The following KCNJ6 variants were observed in gnomAD, a reference collection of about 807,000 sequenced individuals.
The protein encoded by KCNJ6 is G protein-activated inward rectifier potassium channel 2.
Under a neutral mutation model 34.2 loss-of-function variants are expected in KCNJ6, and 9 were observed. That is an observed-to-expected ratio of 0.26 (90% CI 0.16 to 0.46). The LOEUF (loss-of-function observed/expected upper bound fraction) is 0.46, where lower values mean the gene tolerates loss of function less well. Ranked by LOEUF, KCNJ6 falls within the 20% of genes least tolerant of loss-of-function variation. The pLI is 1.00. For missense variants in KCNJ6, 236 were observed against 531.3 expected (o/e 0.44, Z 5.46); for synonymous variants, 196 against 207.1 (o/e 0.95, Z 0.46).
chr21:37,666,317 G>A (rs1438483354), intron 3 of KCNJ6, among the ~76,000 whole-genome samples: 1 of 152,120 alleles, frequency 6.6e-6, no homozygotes, highest in Non-Finnish European at 1.5e-5. Flanking sequence ...CTGACCTGAG[G>A]CTGAGCTGAC....
At chr21:37,860,429 C>T (rs1474415059) in intron 1 of KCNJ6, among the ~76,000 whole-genome samples, 3 of 152,212 alleles carry the variant, frequency 2.0e-5, no homozygotes, top group African/African-American at 7.2e-5. Context: ...CCTGCTTTTC[C>T]TCTTGGGCCT....
intron 2 of KCNJ6, among the ~76,000 whole-genome samples, chr21:37,736,829 G>A (rs1331238585): frequency 6.6e-6 from 1 of 152,188 alleles, no homozygotes; most frequent in Non-Finnish European, 1.5e-5. Flanking sequence ...CCTGGTGACT[G>A]TGATGAATGC....
chr21:37,772,313 G>A (rs779523632), intron 2 of KCNJ6, among the ~76,000 whole-genome samples: 3 of 152,032 alleles, frequency 2.0e-5, no homozygotes, highest in Non-Finnish European at 4.4e-5. Flanking sequence ...AGTTGGTGAA[G>A]TGAAAATCTT....
intron 1 of KCNJ6, among the ~76,000 whole-genome samples, chr21:37,855,123 G>A (rs751816758): frequency 2.0e-5 from 3 of 152,128 alleles, no homozygotes; most frequent in East Asian, 1.9e-4. Flanking sequence ...AAATCATACC[G>A]AGTATGCTCT....
At chr21:37,810,528 C>T (rs1203804234) in intron 2 of KCNJ6, among the ~76,000 whole-genome samples, 3 of 152,246 alleles carry the variant, frequency 2.0e-5, no homozygotes, top group South Asian at 2.1e-4. Context: ...TTTTTGCCAC[C>T]GTTACCCACC....
intron 1 of KCNJ6, among the ~76,000 whole-genome samples, chr21:37,881,899 A>G (rs757419833): frequency 1.9e-4 from 29 of 152,168 alleles, no homozygotes; most frequent in African/African-American, 5.6e-4. Flanking sequence ...CTTCAGGTGG[A>G]CAGTAAATAG....
At chr21:37,751,983 T>C (rs2054998072) in intron 2 of KCNJ6, among the ~76,000 whole-genome samples, 1 of 151,980 alleles carries the variant, frequency 6.6e-6, no homozygotes, top group South Asian at 2.1e-4. Context: ...GTTGGAAGAG[T>C]GCATTAGGAA....
At chr21:37,750,350 A>G (rs2054989108) in intron 2 of KCNJ6, among the ~76,000 whole-genome samples, 1 of 152,198 alleles carries the variant, frequency 6.6e-6, no homozygotes, top group Non-Finnish European at 1.5e-5. Context: ...AACTAGAAAT[A>G]CCATTTGACC....
chr21:37,869,222 T>C (rs554488895), intron 1 of KCNJ6, among the ~76,000 whole-genome samples: 2 of 152,226 alleles, frequency 1.3e-5, no homozygotes, highest in South Asian at 2.1e-4. Flanking sequence ...AAGGGGCTGC[T>C]CTCCCATTTC....
At chr21:37,789,349 A>G (rs533850794) in intron 2 of KCNJ6, among the ~76,000 whole-genome samples, 2 of 152,264 alleles carry the variant, frequency 1.3e-5, no homozygotes, top group African/African-American at 4.8e-5. Context: ...TCTTAATCCA[A>G]CGAAATTGGT....
intron 3 of KCNJ6, among the ~76,000 whole-genome samples, chr21:37,636,112 G>A (rs1260781332): frequency 6.6e-6 from 1 of 152,208 alleles, no homozygotes; most frequent in Admixed American, 6.5e-5. Context: ...CCCATCTCTA[G>A]AAGAGAGAGC....
At chr21:37,876,167 G>A (rs560758665) in intron 1 of KCNJ6, among the ~76,000 whole-genome samples, 25 of 152,318 alleles carry the variant, frequency 1.6e-4, no homozygotes, top group African/African-American at 6.0e-4. Context: ...CTGCCTTGGT[G>A]GCAGGCCTGT....
chr21:37,651,987 T>G (rs1180560773), intron 3 of KCNJ6, among the ~76,000 whole-genome samples: 1 of 152,108 alleles, frequency 6.6e-6, no homozygotes, highest in Non-Finnish European at 1.5e-5. Context: ...TAGAGGTAAA[T>G]TTGGGAGTCA....
Position 37,618,760 on chromosome 21 carries a change from C to T in KCNJ6, c.*6399G>A, listed in dbSNP as rs529484461. ...TTTCATCAGTGATAAATCTAATCTC[C>T]ATCACTTAATCATGTTGACCACCCC... On this transcript the variant is annotated 3_prime_UTR_variant, in exon 4 of 4. Coordinates refer to ENST00000609713, the MANE Select transcript of KCNJ6 (RefSeq NM_002240.5). 9 of 152,322 alleles carry T rather than the reference C, an allele frequency of 5.9e-5. No individual in the cohort carries two copies. Among genetic ancestry groups the T allele is most frequent in the African/African-American group, 1.9e-4 (8 of 41,560 alleles). The allele number at this position is 152,322 out of a possible 1,614,324, so 9.4% of individuals were successfully genotyped here. A position where few individuals can be genotyped will look rare whatever the true frequency, so the allele number is the denominator to read the frequency against.
chr21:37,842,197 T>C (rs568399846), intron 1 of KCNJ6, among the ~76,000 whole-genome samples: 1 of 152,238 alleles, frequency 6.6e-6, no homozygotes, highest in East Asian at 1.9e-4. Flanking sequence ...GTCATCGTTA[T>C]GAAGTTTACT....
intron 3 of KCNJ6, among the ~76,000 whole-genome samples, chr21:37,703,695 G>C (rs999421420): frequency 6.6e-6 from 1 of 152,152 alleles, no homozygotes; most frequent in African/African-American, 2.4e-5. Context: ...CCACCTTCCT[G>C]GGTCATGGGT....
intron 1 of KCNJ6, among the ~76,000 whole-genome samples, chr21:37,898,473 C>G (rs1601522408): frequency 6.6e-6 from 1 of 151,618 alleles, no homozygotes; most frequent in African/African-American, 2.4e-5. Flanking sequence ...TCCTAGCTAT[C>G]TGGGAGGCTG....
At chr21:37,796,779 C>CTTTTTTTTTTTTTT (rs1172378200) in intron 2 of KCNJ6, among the ~76,000 whole-genome samples, 18 of 71,476 alleles carry the variant, frequency 2.5e-4, no homozygotes, top group East Asian at 9.6e-4. Flanking sequence ...TTCTTTCTTT[C>CTTTTTTTTTTTTTT]TTTTTTTTTT....
intron 2 of KCNJ6, among the ~76,000 whole-genome samples, chr21:37,723,005 G>A (rs564756413): frequency 6.6e-6 from 1 of 152,188 alleles, no homozygotes; most frequent in South Asian, 2.1e-4. Context: ...AGACAACCAA[G>A]GTAATGGGAG....
Sources: gnomAD v4.1 joint callset for allele counts (sites outside exome capture counted in the v4.1 genomes callset) on GRCh38, gnomAD v4.1.1 for gene constraint, MANE v1.5 for transcripts, NCBI Gene and HGNC (gene_info 2026-07-23, HGNC 2026-07-21) for gene names.